Variants in OR51B5 observed in about 807,000 individuals in gnomAD.
The protein encoded by OR51B5 is olfactory receptor 51B5.
For synonymous variants in OR51B5, 186 were observed against 144.8 expected, an observed-to-expected ratio of 1.28 and a Z score of -2.04; for missense variants, 456 against 374.6, an observed-to-expected ratio of 1.22 and a Z score of -1.79.
chr11:5,453,640 T>C lies in OR51B5; in HGVS notation n.84+51929A>G, dbSNP rs375923603. ...ACAGTGATCCTGCAGGCTGTGCGAG[T>C]GGAGCCCAGCCTCCATGAGCCCATG... On this transcript the variant is annotated intron_variant and non_coding_transcript_variant, in intron 1 of 4. Transcript: ENST00000415970. 2.2e-5 allele frequency: 35 copies of C among 1,613,690 alleles called. No individual in the cohort carries two copies. Among genetic ancestry groups the C allele is most frequent in the East Asian group, 1.3e-4 (6 of 44,870 alleles).
intron 1 of OR51B5, among the ~76,000 whole-genome samples, chr11:5,373,686 A>C (rs4910779): frequency 0.27 from 41,227 of 152,092 alleles, 5,871 homozygotes; most frequent in African/African-American, 0.33. Context: ...TATCCTGCAC[A>C]TGGCTCCGAG....
chr11:5,477,810 A>G (rs1231977368), intron 1 of OR51B5, among the ~76,000 whole-genome samples: 1 of 152,164 alleles, frequency 6.6e-6, no homozygotes, highest in Non-Finnish European at 1.5e-5. Context: ...GGACTGGCTT[A>G]AAAAACGGCG....
At chr11:5,478,030 G>A (rs1851343852) in intron 1 of OR51B5, among the ~76,000 whole-genome samples, 1 of 151,916 alleles carries the variant, frequency 6.6e-6, no homozygotes. Context: ...AGGCCTGCCT[G>A]CCTCTGTAGG....
At chr11:5,373,978 T>C (rs1292790514) in intron 1 of OR51B5, among the ~76,000 whole-genome samples, 1 of 152,216 alleles carries the variant, frequency 6.6e-6, no homozygotes, top group East Asian at 1.9e-4. Flanking sequence ...AGGAGAGCAG[T>C]GGTTCTCCCA....
At chr11:5,409,279 G>T (rs1240471140) in intron 1 of OR51B5, among the ~76,000 whole-genome samples, 1 of 152,072 alleles carries the variant, frequency 6.6e-6, no homozygotes, top group East Asian at 1.9e-4. Context: ...TTCCCTGGAG[G>T]CATATGTCAA....
chr11:5,357,160 A>C (rs1053345708), intron 1 of OR51B5, among the ~76,000 whole-genome samples: 1 of 152,218 alleles, frequency 6.6e-6, no homozygotes. Flanking sequence ...TAAATGCTCC[A>C]GTAAAAAGAC....
rs1849108137 is a variant in OR51B5 at position 5,352,294 on chromosome 11, G to A, written n.85-5384C>T. The A allele has an allele frequency of 8.1e-6, 13 of 1,614,170 alleles. No homozygotes were observed. Among genetic ancestry groups the A allele is most frequent in the Non-Finnish European group, 1.1e-5 (13 of 1,180,006 alleles). ...TTGTCTGACATTTATTCATAGGTTT[G>A]GAAAGCATGTTCCTCATGTCGTTCA... is the stretch of plus-strand genomic sequence containing the variant. On this transcript the variant is annotated intron_variant and non_coding_transcript_variant, in intron 1 of 4. Transcript: ENST00000415970.
At chr11:5,499,665 T>C (rs1222131476) in intron 1 of OR51B5, among the ~76,000 whole-genome samples, 1 of 152,210 alleles carries the variant, frequency 6.6e-6, no homozygotes, top group East Asian at 1.9e-4. Flanking sequence ...AAAAGCCTTC[T>C]GTCCCATGTT....
At chr11:5,462,032 T>C (rs1433054669) in intron 1 of OR51B5, among the ~76,000 whole-genome samples, 1 of 152,216 alleles carries the variant, frequency 6.6e-6, no homozygotes, top group Non-Finnish European at 1.5e-5. Context: ...CTTCTATTTT[T>C]TAGGCTCGTT....
intron 1 of OR51B5, among the ~76,000 whole-genome samples, chr11:5,424,307 G>T (rs748843843): frequency 1.7e-4 from 26 of 152,086 alleles, no homozygotes; most frequent in African/African-American, 2.4e-4. Context: ...TGAGGAAAAT[G>T]AAAGTTATTC....
chr11:5,352,374 C>G (rs562888969), intron 1 of OR51B5: 1 of 1,613,574 alleles, frequency 6.2e-7, no homozygotes, highest in South Asian at 1.1e-5. Context: ...ACCCATTTAT[C>G]TATAGCATTA....
intron 1 of OR51B5, among the ~76,000 whole-genome samples, chr11:5,478,245 G>A (rs1245716765): frequency 2.0e-5 from 3 of 151,974 alleles, no homozygotes; most frequent in Non-Finnish European, 2.9e-5. Flanking sequence ...CCCCCAGCAG[G>A]GGCATACTGA....
Position 5,468,516 on chromosome 11 carries a change from T to C in OR51B5, n.84+37053A>G, listed in dbSNP as rs139238219. 9.1e-5 allele frequency: 34 copies of C among 371,616 alleles called. No individual in the cohort carries two copies. In the East Asian group the frequency reaches 2.5e-3, roughly 27 times the overall value. The allele number at this position is 371,616 out of a possible 1,614,324, so 23.0% of individuals were successfully genotyped here. On this transcript the variant is annotated intron_variant and non_coding_transcript_variant, in intron 1 of 4. Transcript: ENST00000415970. ...ACTTAGCTCCCAATAACATCTTGTGTAGTCTCCTGCGAATCTCCTTAGTCT... is the reference window on the plus strand; with the variant it reads ...ACTTAGCTCCCAATAACATCTTGTGCAGTCTCCTGCGAATCTCCTTAGTCT...
intron 1 of OR51B5, chr11:5,393,302 A>G (rs530671387): frequency 5.3e-5 from 8 of 152,352 alleles, no homozygotes; most frequent in Non-Finnish European, 1.5e-5. Flanking sequence ...AAAATATTAC[A>G]TAAATCAAAG....
upstream of OR51B5, chr11:5,345,922 C>T (rs1298886344): frequency 6.6e-6 from 1 of 151,914 alleles, no homozygotes; most frequent in East Asian, 1.9e-4. Context: ...AACCAGAATT[C>T]AGTGCCTACT....
chr11:5,357,272 T>C (rs550531269), intron 1 of OR51B5, among the ~76,000 whole-genome samples: 2 of 151,894 alleles, frequency 1.3e-5, no homozygotes, highest in East Asian at 3.9e-4. Context: ...AATAAAGGGA[T>C]GGAGGAAGAT....
intron 1 of OR51B5, among the ~76,000 whole-genome samples, chr11:5,436,980 G>T (rs1359126807): frequency 6.6e-6 from 1 of 152,148 alleles, no homozygotes; most frequent in Non-Finnish European, 1.5e-5. Flanking sequence ...CTGCGGAATT[G>T]TTCCCAGATG....
Position 5,422,866 on chromosome 11 carries a change from T to TAG in OR51B5, n.85-75957_85-75956insCT, listed in dbSNP as rs879143345. ...TGCTCATTGTGATCTCCTATACACT[T>TAG]ATTCTGAAAAATATCTTGGGCACAG... On this transcript the variant is annotated intron_variant and non_coding_transcript_variant, in intron 1 of 4. Transcript: ENST00000415970. The TAG allele has an allele frequency of 6.2e-6, 10 of 1,614,040 alleles. No homozygotes were observed. In the Admixed American group the frequency reaches 1.3e-4, roughly 22 times the overall value.
At chr11:5,460,157 C>T (rs1373101734) in intron 1 of OR51B5, among the ~76,000 whole-genome samples, 1 of 152,124 alleles carries the variant, frequency 6.6e-6, no homozygotes, top group Non-Finnish European at 1.5e-5. Context: ...CAGAAAACCA[C>T]ATGTTCTCAC....
Sources: gnomAD v4.1 joint callset for allele counts (sites outside exome capture counted in the v4.1 genomes callset) on GRCh38, gnomAD v4.1.1 for gene constraint, MANE v1.5 for transcripts, NCBI Gene and HGNC (gene_info 2026-07-23, HGNC 2026-07-21) for gene names.